The following MCTP1 variants were observed in gnomAD, a reference collection of about 807,000 sequenced individuals.
MCTP1 encodes the protein multiple C2 and transmembrane domain-containing protein 1.
Under a neutral mutation model 120.6 loss-of-function variants are expected in MCTP1, and 69 were observed. That is an observed-to-expected ratio of 0.57 (90% CI 0.47 to 0.70). The LOEUF (loss-of-function observed/expected upper bound fraction) is 0.70. Among genes scored for constraint, MCTP1 ranks in the 30% least tolerant of loss-of-function variants. The probability of loss-of-function intolerance (pLI) is 0.00; values close to 1 mark genes in which losing one functional copy is unlikely to be tolerated. For synonymous variants in MCTP1, 529 were observed against 493.1 expected (o/e 1.07, Z -0.96); for missense variants, 1,203 against 1,248.8 (o/e 0.96, Z 0.55).
chr5:94,822,473 G>A (rs916430886), intron 17 of MCTP1, among the ~76,000 whole-genome samples: 1 of 152,094 alleles, frequency 6.6e-6, no homozygotes, highest in African/African-American at 2.4e-5. Flanking sequence ...TGGGCATTTG[G>A]GTTGGTTCTA....
chr5:94,975,301 A>G (rs1287532059), intron 2 of MCTP1, among the ~76,000 whole-genome samples: 1 of 151,968 alleles, frequency 6.6e-6, no homozygotes. Flanking sequence ...GGAAGTAAAG[A>G]CTTCAGGAGG....
At chr5:94,885,025 T>C (rs1158509280) in intron 12 of MCTP1, among the ~76,000 whole-genome samples, 2 of 152,214 alleles carry the variant, frequency 1.3e-5, no homozygotes, top group Non-Finnish European at 2.9e-5. Context: ...ACTTATTTAA[T>C]GGGACTATTT....
chr5:95,096,766 G>A (rs1486886398), intron 1 of MCTP1, among the ~76,000 whole-genome samples: 1 of 152,140 alleles, frequency 6.6e-6, no homozygotes, highest in Non-Finnish European at 1.5e-5. Flanking sequence ...ATGCCTGAAA[G>A]GGCAGGATTT....
chr5:95,098,977 A>C (rs1756493643), intron 1 of MCTP1, among the ~76,000 whole-genome samples: 1 of 152,164 alleles, frequency 6.6e-6, no homozygotes, highest in Non-Finnish European at 1.5e-5. Context: ...GCATATCTGC[A>C]ACTATCTGAT....
chr5:94,738,148 A>C (rs1397889411), intron 19 of MCTP1, among the ~76,000 whole-genome samples: 1 of 152,216 alleles, frequency 6.6e-6, no homozygotes, highest in Non-Finnish European at 1.5e-5. Context: ...TAACATTCAG[A>C]AGCTTTATGG....
chr5:94,922,997 CA>C (rs202245253), intron 7 of MCTP1, among the ~76,000 whole-genome samples: 2,844 of 99,218 alleles, frequency 0.029, 52 homozygotes, highest in African/African-American at 0.089. Context: ...TAAAAAGCTG[CA>C]AAAAAAAAAA....
intron 19 of MCTP1, among the ~76,000 whole-genome samples, chr5:94,737,566 T>A (rs1428139375): frequency 6.6e-6 from 1 of 152,212 alleles, no homozygotes; most frequent in Non-Finnish European, 1.5e-5. Context: ...TTATACAGGT[T>A]CTTAAATATT....
At chr5:94,956,733 G>C (rs1333832836) in intron 2 of MCTP1, among the ~76,000 whole-genome samples, 4 of 151,800 alleles carry the variant, frequency 2.6e-5, no homozygotes, top group Admixed American at 1.3e-4. Flanking sequence ...AGAATGAAAA[G>C]GAATGAACAA....
chr5:94,754,103 C>T (rs572796594), intron 19 of MCTP1, among the ~76,000 whole-genome samples: 1 of 152,124 alleles, frequency 6.6e-6, no homozygotes, highest in East Asian at 1.9e-4. Context: ...ACCCTTGAGG[C>T]CAGAATTCCA....
At chr5:94,973,377 T>C (rs960365981) in intron 2 of MCTP1, among the ~76,000 whole-genome samples, 1 of 152,206 alleles carries the variant, frequency 6.6e-6, no homozygotes, top group African/African-American at 2.4e-5. Context: ...GAGACAAGAT[T>C]GTATACTAGG....
At chr5:94,729,053 C>T (rs1762640881) in intron 19 of MCTP1, among the ~76,000 whole-genome samples, 1 of 152,104 alleles carries the variant, frequency 6.6e-6, no homozygotes, top group African/African-American at 2.4e-5. Flanking sequence ...ATGAAGAGAC[C>T]TGAAATGGGT....
chr5:94,917,297 C>T (rs537974455), intron 8 of MCTP1, among the ~76,000 whole-genome samples: 2 of 152,166 alleles, frequency 1.3e-5, no homozygotes, highest in Non-Finnish European at 2.9e-5. Flanking sequence ...CAACTAGGTC[C>T]TTGTTGAATT....
chr5:95,020,988 C>T (rs866226225), intron 1 of MCTP1, among the ~76,000 whole-genome samples: 3 of 152,148 alleles, frequency 2.0e-5, no homozygotes, highest in Middle Eastern at 3.4e-3. Flanking sequence ...ATGTAGCTCC[C>T]TTCTTTCTTG....
intron 2 of MCTP1, among the ~76,000 whole-genome samples, chr5:95,003,630 ATACAG>A (rs1834132333): frequency 2.0e-5 from 3 of 152,350 alleles, no homozygotes; most frequent in Admixed American, 1.3e-4. Flanking sequence ...GAAGAAGAGA[ATACAG>A]TAGGTCCTCA....
chr5:94,945,178 A>G (rs1005686774), intron 3 of MCTP1, among the ~76,000 whole-genome samples: 1 of 152,302 alleles, frequency 6.6e-6, no homozygotes, highest in African/African-American at 2.4e-5. Flanking sequence ...TGAATGATTT[A>G]GATGAGATCC....
intron 17 of MCTP1, among the ~76,000 whole-genome samples, chr5:94,863,945 A>T (rs940309134): frequency 1.3e-5 from 2 of 151,806 alleles, no homozygotes; most frequent in African/African-American, 4.8e-5. Context: ...TGTTGTCCCG[A>T]ATATGATCCT....
At chr5:94,866,709 T>C (rs543658708) in intron 17 of MCTP1, among the ~76,000 whole-genome samples, 1 of 151,880 alleles carries the variant, frequency 6.6e-6, no homozygotes, top group East Asian at 1.9e-4. Context: ...TAATATCATG[T>C]AAATGTACCT....
chr5:94,729,452 A>G (rs1762723743), intron 19 of MCTP1, among the ~76,000 whole-genome samples: 1 of 152,206 alleles, frequency 6.6e-6, no homozygotes, highest in South Asian at 2.1e-4. Flanking sequence ...ATGTCCGTGA[A>G]ACCAGAGAGA....
intron 5 of MCTP1, 72 bp downstream of exon 5, chr5:94,940,012 T>A (rs1190701249): frequency 1.2e-6 from 1 of 839,520 alleles, no homozygotes; most frequent in African/African-American, 1.7e-5. Flanking sequence ...TTTATTATCA[T>A]CTCTGGGTCC....
Sources: gnomAD v4.1 joint callset for allele counts (sites outside exome capture counted in the v4.1 genomes callset) on GRCh38, gnomAD v4.1.1 for gene constraint, MANE v1.5 for transcripts, NCBI Gene and HGNC (gene_info 2026-07-23, HGNC 2026-07-21) for gene names.